Variants in GABPB1 observed in about 807,000 individuals in gnomAD.
The protein encoded by GABPB1 is GA-binding protein subunit beta-1.
GABPB1 carries 15 observed loss-of-function variants against 45.9 expected under a neutral mutation model. That is an observed-to-expected ratio of 0.33 (90% CI 0.22 to 0.50). The LOEUF (loss-of-function observed/expected upper bound fraction) is 0.50, where lower values mean the gene tolerates loss of function less well. Ranked by LOEUF, GABPB1 falls within the 20% of genes least tolerant of loss-of-function variation. GABPB1 has a pLI of 0.98. For missense variants in GABPB1, 252 were observed against 457.5 expected (o/e 0.55, Z 4.10); for synonymous variants, 143 against 154.4 (o/e 0.93, Z 0.55).
rs1213656226 is a variant in GABPB1 at position 50,276,230 on chromosome 15, A to C, written c.*2402T>G. The C allele has an allele frequency of 6.6e-6, 1 of 152,214 alleles. No homozygotes were observed. The highest frequency in any genetic ancestry group is 2.4e-5 in the African/African-American group (1 of 41,454). 9.4% of individuals were successfully genotyped at this position (152,214 alleles called of 1,614,324 possible). A position where few individuals can be genotyped will look rare whatever the true frequency, so the allele number is the denominator to read the frequency against. On this transcript the variant is annotated 3_prime_UTR_variant, in exon 9 of 9. Coordinates refer to ENST00000380877, the MANE Select transcript of GABPB1 (RefSeq NM_016654.5). ...ATTTCTGAAAACTTTTATTTCATAT[A>C]CTTTTATTTTTGTCAGTTCTTTAAA...
Position 50,308,273 on chromosome 15 carries a change from T to C in GABPB1, c.108+1418A>G, listed in dbSNP as rs2141044769. Among the ~76,000 whole-genome samples, 4 of 152,326 alleles carry C rather than the reference T, an allele frequency of 2.6e-5. No homozygotes were observed. In the East Asian group the frequency reaches 7.7e-4, roughly 29 times the overall value. ...TGCTTCTGTCAAGAGCCTGGGGTAA[T>C]CCCTAGTCCAAAGATCACTTCAAAT... On this transcript the variant is annotated intron_variant, in intron 2 of 8. Transcript: ENST00000380877.
At chr15:50,336,517 T>A (rs541648765) in intron 1 of GABPB1, among the ~76,000 whole-genome samples, 3,151 of 151,770 alleles carry the variant, frequency 0.021, 108 homozygotes, top group African/African-American at 0.072. Context: ...CAAAAAAATT[T>A]AAAAAAATTT....
At chr15:50,320,668 G>C (rs1429950600) in intron 1 of GABPB1, among the ~76,000 whole-genome samples, 1 of 152,190 alleles carries the variant, frequency 6.6e-6, no homozygotes, top group South Asian at 2.1e-4. Flanking sequence ...ATCCTGACTA[G>C]GGTGGTTATC....
At chr15:50,328,598 C>T (rs1037130673) in intron 1 of GABPB1, among the ~76,000 whole-genome samples, 1 of 152,158 alleles carries the variant, frequency 6.6e-6, no homozygotes, top group African/African-American at 2.4e-5. Context: ...TTTAATGATA[C>T]TAAGAATAAT....
chr15:50,325,127 G>T (rs1159711751), intron 1 of GABPB1, among the ~76,000 whole-genome samples: 2 of 152,118 alleles, frequency 1.3e-5, no homozygotes, highest in Non-Finnish European at 2.9e-5. Context: ...AAAAGGTGAA[G>T]TCAGTACAGG....
rs542531092 is a variant in GABPB1 at position 50,291,342 on chromosome 15, G to A, written c.698-1674C>T. 3.3e-5 allele frequency among the ~76,000 whole-genome samples: 5 copies of A among 149,764 alleles called. No individual in the cohort carries two copies. In the South Asian group the frequency reaches 6.3e-4, roughly 19 times the overall value. On this transcript the variant is annotated intron_variant, in intron 6 of 8. Transcript: ENST00000380877. Reference sequence around the variant, plus strand: ...ATTGAATTTTTTTTTTTTTTGAGACGAAATCTCACTCTGTCACCCAGGTTG... The same window carrying A: ...ATTGAATTTTTTTTTTTTTTGAGACAAAATCTCACTCTGTCACCCAGGTTG...
chr15:50,338,005 T>C (rs2048207295), intron 1 of GABPB1, among the ~76,000 whole-genome samples: 1 of 152,128 alleles, frequency 6.6e-6, no homozygotes, highest in African/African-American at 2.4e-5. Flanking sequence ...CAAAAAAAAA[T>C]TTAAACTCTA....
At chr15:50,330,848 C>T (rs376202434) in intron 1 of GABPB1, among the ~76,000 whole-genome samples, 2 of 152,020 alleles carry the variant, frequency 1.3e-5, no homozygotes, top group African/African-American at 4.8e-5. Context: ...AAGAACTTCA[C>T]AATAAAGAAG....
At chr15:50,340,864 G>T (rs1223894710) in intron 1 of GABPB1, among the ~76,000 whole-genome samples, 1 of 107,200 alleles carries the variant, frequency 9.3e-6, no homozygotes, top group Admixed American at 1.0e-4. Flanking sequence ...ATTACATATG[G>T]TTTATTACCA....
chr15:50,284,789 T>C (rs1228935267), intron 8 of GABPB1, among the ~76,000 whole-genome samples: 1 of 152,250 alleles, frequency 6.6e-6, no homozygotes, highest in South Asian at 2.1e-4. Flanking sequence ...TCATCTGACA[T>C]ATCAGAAAAA....
chr15:50,276,019 G>A lies in GABPB1; in HGVS notation c.*2613C>T, dbSNP rs924594188. ...ATAGTACGTAACAAGAACGATTCTA[G>A]GTGCACAGGAAAGAAAATAATTCAT... On this transcript the variant is annotated 3_prime_UTR_variant, in exon 9 of 9. Transcript: ENST00000380877. 2 of 152,150 alleles carry A rather than the reference G, an allele frequency of 1.3e-5. No homozygotes were observed. Among genetic ancestry groups the A allele is most frequent in the Admixed American group, 1.3e-4 (2 of 15,274 alleles). 9.4% of individuals were successfully genotyped at this position (152,150 alleles called of 1,614,324 possible). A position where few individuals can be genotyped will look rare whatever the true frequency, so the allele number is the denominator to read the frequency against.
intron 1 of GABPB1, among the ~76,000 whole-genome samples, chr15:50,341,261 C>T (rs2048366077): frequency 6.6e-6 from 1 of 152,016 alleles, no homozygotes; most frequent in African/African-American, 2.4e-5. Flanking sequence ...AGGCCAGGCA[C>T]GGTGGCTCAC....
At chr15:50,285,942 A>G in intron 8 of GABPB1, 126 bp downstream of exon 8, 13 of 1,441,978 alleles carry the variant, frequency 9.0e-6, no homozygotes, top group Non-Finnish European at 1.1e-5. Flanking sequence ...AATAAACAAA[A>G]TGAAAATACT....
At chr15:50,340,547 CAAAAAA>C (rs397853899) in intron 1 of GABPB1, among the ~76,000 whole-genome samples, 18,898 of 111,054 alleles carry the variant, frequency 0.17, 1,581 homozygotes, top group Middle Eastern at 0.25. Flanking sequence ...CTATAATCAC[CAAAAAA>C]AAAAAAAAAA....
intron 1 of GABPB1, among the ~76,000 whole-genome samples, chr15:50,337,108 TATATATATATATATATATATA>T (rs1461005450): frequency 0.019 from 116 of 6,242 alleles, 8 homozygotes; most frequent in South Asian, 0.1. Context: ...TATATATATA[TATATATATATATATATATATA>T]ATATGAAGAG....
At chr15:50,323,478 G>T (rs1350849529) in intron 1 of GABPB1, among the ~76,000 whole-genome samples, 3 of 152,178 alleles carry the variant, frequency 2.0e-5, no homozygotes, top group African/African-American at 4.8e-5. Flanking sequence ...AGGACCCAGA[G>T]TGAGGCAGGG....
chr15:50,354,879 C>G (rs758910796), intron 1 of GABPB1, 106 bp downstream of exon 1: 1 of 220,614 alleles, frequency 4.5e-6, no homozygotes, highest in Non-Finnish European at 9.1e-6. Flanking sequence ...AACAGGAAAT[C>G]GCGGGGATGA....
chr15:50,302,297 T>C (rs893197277), intron 4 of GABPB1, among the ~76,000 whole-genome samples: 2 of 152,158 alleles, frequency 1.3e-5, no homozygotes, highest in East Asian at 1.9e-4. Flanking sequence ...AAGTCATTTA[T>C]AGTAGACTTG....
chr15:50,295,498 A>G (rs2046480388), intron 6 of GABPB1, among the ~76,000 whole-genome samples: 1 of 152,142 alleles, frequency 6.6e-6, no homozygotes, highest in Non-Finnish European at 1.5e-5. Context: ...ATTCCATGAC[A>G]CTAGAGTGGC....
Sources: allele counts gnomAD v4.1 joint callset (sites outside exome capture counted in the v4.1 genomes callset), GRCh38; gene constraint gnomAD v4.1.1; transcripts MANE v1.5; gene names NCBI Gene and HGNC (gene_info 2026-07-23, HGNC 2026-07-21).